The following WDPCP variants were observed in gnomAD, a reference collection of about 807,000 sequenced individuals.
The protein encoded by WDPCP is WD repeat containing planar cell polarity effector.
In WDPCP, 71 loss-of-function variants were observed where a neutral mutation model predicts 93.1. The ratio of observed to expected loss-of-function variants is 0.76; its 90% CI spans 0.63 to 0.93. The LOEUF is 0.93. Among genes scored for constraint, WDPCP ranks in the 40% least tolerant of loss-of-function variants. WDPCP has a pLI of 0.00. For synonymous variants in WDPCP, 315 were observed against 315.0 expected, an observed-to-expected ratio of 1.00 and a Z score of 0.00; for missense variants, 844 against 887.4, an observed-to-expected ratio of 0.95 and a Z score of 0.62.
intron 2 of WDPCP, among the ~76,000 whole-genome samples, chr2:63,653,208 T>C (rs1710128407): frequency 6.6e-6 from 1 of 152,190 alleles, no homozygotes; most frequent in African/African-American, 2.4e-5. Context: ...TAGAGGTCCT[T>C]TTCAGACTTT....
rs1672026363 is a variant in WDPCP at position 63,153,572 on chromosome 2, T to C, written c.2081A>G (p.Gln694Arg). The C allele has an allele frequency of 4.3e-6, 7 of 1,611,920 alleles. No individual in the cohort carries two copies. In the East Asian group the frequency reaches 1.6e-4, roughly 36 times the overall value. Reference protein sequence around the residue: ...QRILNGSSNRQIIDRRNELEK... With the variant: ...QRILNGSSNRRIIDRRNELEK... ...AAGTTCATTCCTTCTGTCAATTATTTGTCTGCAGTATATGGGTGTTTTTAA... is the reference window on the plus strand; with the variant it reads ...AAGTTCATTCCTTCTGTCAATTATTCGTCTGCAGTATATGGGTGTTTTTAA... The change falls in exon 16 of 18, where the codon CAA (glutamine) becomes CGA (arginine). Residue 694 changes from glutamine to arginine, a missense_variant and splice_region_variant. Physicochemically the swap from Gln to Arg is conservative, Grantham distance 43. Coordinates refer to ENST00000272321, the MANE Select transcript of WDPCP (RefSeq NM_015910.7).
intron 13 of WDPCP, among the ~76,000 whole-genome samples, chr2:63,266,906 C>G (rs1333694373): frequency 6.6e-6 from 1 of 152,024 alleles, no homozygotes; most frequent in Non-Finnish European, 1.5e-5. Flanking sequence ...TTCATACTAC[C>G]CAAAGTAATG....
chr2:63,622,923 G>T, intron 3 of WDPCP: 2 of 1,058,848 alleles, frequency 1.9e-6, no homozygotes, highest in Non-Finnish European at 2.8e-6. Context: ...GGGGCTCGGC[G>T]CACACCTGCT....
intron 1 of WDPCP, among the ~76,000 whole-genome samples, chr2:63,584,342 G>A (rs771432301): frequency 2.0e-5 from 3 of 151,920 alleles, no homozygotes; most frequent in African/African-American, 4.8e-5. Context: ...TTGAAATCGT[G>A]AACAACAGTA....
intron 9 of WDPCP, among the ~76,000 whole-genome samples, chr2:63,418,079 A>G (rs1162119361): frequency 2.6e-5 from 4 of 152,194 alleles, no homozygotes; most frequent in Non-Finnish European, 5.9e-5. Flanking sequence ...TTTCCTAGCT[A>G]TAAGACTTTC....
At chr2:63,742,984 A>G (rs1324709704) in intron 2 of WDPCP, among the ~76,000 whole-genome samples, 1 of 151,958 alleles carries the variant, frequency 6.6e-6, no homozygotes, top group African/African-American at 2.4e-5. Context: ...TTGAGCCTCT[A>G]TTTTATGCCA....
At chr2:63,591,567 TTAATAGA>T (rs1022916967), upstream of WDPCP, among the ~76,000 whole-genome samples, 1 of 152,244 alleles carries the variant, frequency 6.6e-6, no homozygotes, top group Non-Finnish European at 1.5e-5. Context: ...GAAGTTAAAC[TTAATAGA>T]TAGTGATCTT....
At chr2:63,801,724 G>A (rs1575776783) in intron 2 of WDPCP, among the ~76,000 whole-genome samples, 1 of 152,140 alleles carries the variant, frequency 6.6e-6, no homozygotes, top group African/African-American at 2.4e-5. Flanking sequence ...GTTCCTGATT[G>A]GTGCGTTTTA....
chr2:63,609,411 T>C (rs1411182044), intron 3 of WDPCP, among the ~76,000 whole-genome samples: 1 of 151,586 alleles, frequency 6.6e-6, no homozygotes, highest in Non-Finnish European at 1.5e-5. Context: ...TAATAAAGGG[T>C]ACTAGAGGGG....
intron 1 of WDPCP, among the ~76,000 whole-genome samples, chr2:63,555,740 T>C (rs1312840225): frequency 6.6e-6 from 1 of 151,978 alleles, no homozygotes; most frequent in Non-Finnish European, 1.5e-5. Context: ...CCCAGCAAGC[T>C]GCAGCAGCCC....
chr2:63,262,507 A>C (rs1372666637), intron 13 of WDPCP, among the ~76,000 whole-genome samples: 1 of 150,514 alleles, frequency 6.6e-6, no homozygotes, highest in Admixed American at 6.7e-5. Context: ...TAATTTTAAA[A>C]CTATAGAACA....
At chr2:63,770,143 T>C (rs1038119882) in intron 2 of WDPCP, among the ~76,000 whole-genome samples, 2 of 152,032 alleles carry the variant, frequency 1.3e-5, no homozygotes, top group African/African-American at 4.8e-5. Context: ...CACTTCTAGA[T>C]AACCTACGGT....
intron 3 of WDPCP, among the ~76,000 whole-genome samples, chr2:63,636,136 G>T (rs1709918220): frequency 6.6e-6 from 1 of 152,100 alleles, no homozygotes; most frequent in Non-Finnish European, 1.5e-5. Flanking sequence ...TAATGTATTT[G>T]GGAATAATTT....
At chr2:63,197,410 A>T (rs1274898713) in intron 14 of WDPCP, among the ~76,000 whole-genome samples, 1 of 152,200 alleles carries the variant, frequency 6.6e-6, no homozygotes, top group Non-Finnish European at 1.5e-5. Context: ...TGGTAAAGTC[A>T]GAAGTTATAC....
intron 2 of WDPCP, among the ~76,000 whole-genome samples, chr2:63,701,418 C>T (rs1336087625): frequency 6.6e-6 from 1 of 152,134 alleles, no homozygotes; most frequent in African/African-American, 2.4e-5. Context: ...TAAATTAGTA[C>T]AACCACTATG....
chr2:63,350,364 A>G (rs1689502995), intron 12 of WDPCP, among the ~76,000 whole-genome samples: 1 of 152,128 alleles, frequency 6.6e-6, no homozygotes, highest in African/African-American at 2.4e-5. Context: ...GGGTGCAGCA[A>G]ACCAGCATGG....
intron 2 of WDPCP, among the ~76,000 whole-genome samples, chr2:63,800,823 G>A (rs1670683823): frequency 6.6e-6 from 1 of 152,178 alleles, no homozygotes; most frequent in South Asian, 2.1e-4. Context: ...GAGGGCTGAG[G>A]TGGGAGGACT....
chr2:63,750,188 T>C (rs1669860456), intron 2 of WDPCP, among the ~76,000 whole-genome samples: 1 of 151,986 alleles, frequency 6.6e-6, no homozygotes, highest in Admixed American at 6.6e-5. Context: ...CAGGGAGGCA[T>C]CAGAATGGAT....
chr2:63,512,521 G>T (rs2106098957), intron 1 of WDPCP, among the ~76,000 whole-genome samples: 1 of 152,296 alleles, frequency 6.6e-6, no homozygotes, highest in Non-Finnish European at 1.5e-5. Flanking sequence ...ACTGGATGAA[G>T]AAAATGTGGC....
Sources: gnomAD v4.1 joint callset for allele counts (sites outside exome capture counted in the v4.1 genomes callset) on GRCh38, gnomAD v4.1.1 for gene constraint, MANE v1.5 for transcripts, NCBI Gene and HGNC (gene_info 2026-07-23, HGNC 2026-07-21) for gene names.